The following LRP6 variants were observed in gnomAD, a reference collection of about 807,000 sequenced individuals.
LRP6 encodes the protein low-density lipoprotein receptor-related protein 6.
LRP6 carries 43 observed loss-of-function variants against 184.1 expected under a neutral mutation model. That is an observed-to-expected ratio of 0.23 (90% confidence interval 0.18 to 0.30). The LOEUF is 0.30. Among genes scored for constraint, LRP6 ranks in the 10% least tolerant of loss-of-function variants. The probability of loss-of-function intolerance (pLI) is 1.00; values close to 1 mark genes in which losing one functional copy is unlikely to be tolerated. For missense variants in LRP6, 1,571 were observed against 2,005.3 expected (o/e 0.78, Z 4.14); for synonymous variants, 719 against 684.9 (o/e 1.05, Z -0.78).
In LRP6 at chr12:12,266,926, G is replaced by GC; in HGVS notation, c.-192dup. The GC allele has an allele frequency of 1.0e-5, 6 of 595,202 alleles. No homozygotes were observed. In the South Asian group the frequency reaches 1.2e-4, roughly 12 times the overall value. The allele number at this position is 595,202 out of a possible 1,614,324, so 36.9% of individuals were successfully genotyped here. ...GCCGCCCTCTCTACCGCGCCGCTCG[G>GC]CCCCGGGCTCGCGCGACGCCAGCGT... On this transcript the variant is annotated 5_prime_UTR_variant, in exon 1 of 23. An upstream open reading frame in the 5' UTR loses its in-frame stop. Coordinates refer to ENST00000261349, the MANE Select transcript of LRP6 (RefSeq NM_002336.3).
intron 12 of LRP6, among the ~76,000 whole-genome samples, 181 bp downstream of exon 12, chr12:12,158,647 CA>C (rs1429663076): frequency 6.6e-6 from 1 of 152,128 alleles, no homozygotes; most frequent in Admixed American, 6.6e-5. Context: ...TCTATAACAT[CA>C]AATTGCTATC....
chr12:12,178,219 T>C (rs1256995608), intron 7 of LRP6, among the ~76,000 whole-genome samples: 1 of 152,228 alleles, frequency 6.6e-6, no homozygotes, highest in Non-Finnish European at 1.5e-5. Flanking sequence ...AATTGTAATG[T>C]CTTTATCTGA....
intron 6 of LRP6, 79 bp downstream of exon 6, chr12:12,180,964 G>A (rs1863330046): frequency 1.4e-6 from 2 of 1,476,818 alleles, no homozygotes; most frequent in African/African-American, 1.4e-5. Context: ...TATATGTCAT[G>A]TTATCTTAGT....
chr12:12,182,173 C>T (rs956591712), intron 5 of LRP6, among the ~76,000 whole-genome samples: 1 of 152,072 alleles, frequency 6.6e-6, no homozygotes, highest in African/African-American at 2.4e-5. Flanking sequence ...TCTCGCTAAG[C>T]CTAGTTTCCC....
intron 15 of LRP6, among the ~76,000 whole-genome samples, chr12:12,141,738 A>T (rs1949936737): frequency 6.6e-6 from 1 of 152,238 alleles, no homozygotes; most frequent in African/African-American, 2.4e-5. Context: ...ATATCCATTT[A>T]TTGAAACAAT....
chr12:12,234,412 T>C (rs1197906754), intron 2 of LRP6, among the ~76,000 whole-genome samples: 1 of 151,806 alleles, frequency 6.6e-6, no homozygotes, highest in East Asian at 1.9e-4. Context: ...ATCGTGCCAC[T>C]ACACTCCAGC....
chr12:12,183,650 G>A (rs1248436637), intron 5 of LRP6, among the ~76,000 whole-genome samples: 1 of 152,082 alleles, frequency 6.6e-6, no homozygotes, highest in Non-Finnish European at 1.5e-5. Context: ...ATTCACAAAT[G>A]CTACCTGTTA....
chr12:12,122,269 T>C (rs1565523249), intron 22 of LRP6, among the ~76,000 whole-genome samples: 1 of 152,360 alleles, frequency 6.6e-6, no homozygotes, highest in East Asian at 1.9e-4. Flanking sequence ...GTTCTGGCTT[T>C]TCTGTCATTC....
At chr12:12,123,841 G>T (rs1350685604) in intron 22 of LRP6, among the ~76,000 whole-genome samples, 3 of 152,206 alleles carry the variant, frequency 2.0e-5, no homozygotes, top group Non-Finnish European at 4.4e-5. Context: ...AATAGCATAT[G>T]CAAGCAATGG....
intron 2 of LRP6, among the ~76,000 whole-genome samples, chr12:12,233,071 T>C (rs1864833291): frequency 6.6e-6 from 1 of 152,206 alleles, no homozygotes; most frequent in Non-Finnish European, 1.5e-5. Context: ...CTATGAGGCA[T>C]TCATGTCAAA....
chr12:12,131,710 TCATATGTACTTGAAAAACC>T, intron 18 of LRP6, 92 bp downstream of exon 18: 1 of 831,532 alleles, frequency 1.2e-6, no homozygotes, highest in Admixed American at 1.7e-5. Flanking sequence ...AGTGATACAG[TCATATGTACTTGAAAAACC>T]CCAACTGACA....
chr12:12,225,674 C>CCTGGCCGAGG (rs1864602533), intron 2 of LRP6, among the ~76,000 whole-genome samples: 1 of 151,932 alleles, frequency 6.6e-6, no homozygotes, highest in Admixed American at 6.6e-5. Flanking sequence ...GAGTTTGAGA[C>CCTGGCCGAGG]CAGCTGGACC....
rs142845287 is a variant in LRP6, at chr12:12,147,375, C to T, written c.3388G>A (p.Asp1130Asn). 2.9e-4 allele frequency: 475 copies of T among 1,613,938 alleles called. 3 individuals carry two copies. Among genetic ancestry groups the T allele is most frequent in the Middle Eastern group, 4.9e-4 (3 of 6,084 alleles). ...CATATTTCTTGGGTACCTGAGAGAT[C>T]ACTGCTTTCAATTCGCCGGAGATCT... ...DSDLRRIESS[D>N]LSGANRIVLE... Residue 1130 changes from aspartate (D) to asparagine (N), a missense_variant, in exon 15 of 23, where the codon GAT (aspartate) becomes AAT (asparagine). Asp to Asn is a conservative substitution (Grantham distance 23, BLOSUM62 1). Around this residue, in one of 4 missense-constraint regions of LRP6, gnomAD observed 763 missense variants for 859.5 expected, o/e 0.89. Transcript: ENST00000261349.
intron 2 of LRP6, among the ~76,000 whole-genome samples, chr12:12,231,954 G>A (rs1864800792): frequency 6.6e-6 from 1 of 151,570 alleles, no homozygotes; most frequent in African/African-American, 2.4e-5. Flanking sequence ...GGCAAAGGTT[G>A]CAGTGAGCTG....
chr12:12,122,603 AG>A lies in LRP6; in HGVS notation c.4548-1184del, dbSNP rs373231285. On this transcript the variant is annotated intron_variant, in intron 22 of 22. Transcript: ENST00000261349. Reference sequence around the variant, plus strand: ...CCCCTTCTTACTACTGCATTTGATTAGTCTTTAAAAAAGAAAGAAAGAAAGA... The same window carrying A: ...CCCCTTCTTACTACTGCATTTGATTATCTTTAAAAAAGAAAGAAAGAAAGA... Among the ~76,000 whole-genome samples the A allele has an allele frequency of 3.2e-3, 487 of 152,232 alleles. 3 individuals are homozygous for A. Among genetic ancestry groups the A allele is most frequent in the African/African-American group, 0.01 (432 of 41,538 alleles).
At chr12:12,263,342 G>A (rs1157682850) in intron 1 of LRP6, among the ~76,000 whole-genome samples, 2 of 151,758 alleles carry the variant, frequency 1.3e-5, no homozygotes, top group Admixed American at 6.6e-5. Context: ...TTGGGAGGCC[G>A]AGGTGGGCGG....
At chr12:12,174,447 T>C (rs1468528862) in intron 7 of LRP6, among the ~76,000 whole-genome samples, 5 of 152,084 alleles carry the variant, frequency 3.3e-5, no homozygotes, top group African/African-American at 7.2e-5. Context: ...AGAAACACAA[T>C]GTTACAAATT....
chr12:12,186,859 A>C, intron 4 of LRP6, 64 bp downstream of exon 4: 1 of 1,383,520 alleles, frequency 7.2e-7, no homozygotes, highest in Non-Finnish European at 1.0e-6. Context: ...TCCTCACTAA[A>C]GCCAGACATT....
chr12:12,235,003 G>T (rs943339589), intron 2 of LRP6, among the ~76,000 whole-genome samples: 1 of 152,040 alleles, frequency 6.6e-6, no homozygotes, highest in Non-Finnish European at 1.5e-5. Flanking sequence ...GAAAAAAGGG[G>T]GTAGGAGATG....
Sources: allele counts gnomAD v4.1 joint callset (sites outside exome capture counted in the v4.1 genomes callset), GRCh38; gene constraint gnomAD v4.1.1; regional missense constraint gnomAD v4.1.1; transcripts MANE v1.5; gene names NCBI Gene and HGNC (gene_info 2026-07-23, HGNC 2026-07-21).